The following CDC25A variants were observed in gnomAD, a reference collection of about 807,000 sequenced individuals.
CDC25A encodes cell division cycle 25A, also known as M-phase inducer phosphatase 1.
A neutral mutation model predicts 64.6 loss-of-function variants in CDC25A; 17 were observed. That is an observed-to-expected ratio of 0.26 (90% CI 0.18 to 0.39). The LOEUF (loss-of-function observed/expected upper bound fraction) is 0.39. Among genes scored for constraint, CDC25A ranks in the 10% least tolerant of loss-of-function variants. The pLI is 1.00. For missense variants in CDC25A, 473 were observed against 654.8 expected (o/e 0.72, Z 3.03); for synonymous variants, 229 against 238.6 (o/e 0.96, Z 0.37).
intron 12 of CDC25A, 49 bp from the exon 13 acceptor site, chr3:48,164,486 G>C: frequency 6.9e-7 from 1 of 1,440,984 alleles, no homozygotes; most frequent in Non-Finnish European, 9.2e-7. Flanking sequence ...CACACATGAA[G>C]TAATGATTCA....
At position 48,187,769 on chromosome 3, in the gene CDC25A, T is replaced by A. The variant is rs554048725; in HGVS notation, c.170+9A>T. On this transcript the variant is annotated intron_variant, in intron 1 of 14. Transcript: ENST00000302506. ...GGGCCCGGAGCACCGCCCGCCGGTC[T>A]CTCCTTACCTGCCCAGACCCTGCAG... The A allele has an allele frequency of 3.5e-5, 54 of 1,535,310 alleles. No individual in the cohort carries two copies. The highest frequency in any genetic ancestry group is 4.7e-5 in the Non-Finnish European group (53 of 1,138,874).
intron 12 of CDC25A, 51 bp downstream of exon 12, chr3:48,165,585 C>T: frequency 7.6e-7 from 1 of 1,316,824 alleles, no homozygotes; most frequent in African/African-American, 1.5e-5. Context: ...CACTTTAAAA[C>T]CACAGATCCT....
At chr3:48,172,782 T>C (rs2106724118) in intron 9 of CDC25A, among the ~76,000 whole-genome samples, 1 of 152,292 alleles carries the variant, frequency 6.6e-6, no homozygotes, top group Middle Eastern at 3.4e-3. Flanking sequence ...GAGGACTGCT[T>C]GAGCCTGGGA....
intron 9 of CDC25A, among the ~76,000 whole-genome samples, chr3:48,172,560 A>G (rs535020458): frequency 6.6e-6 from 1 of 152,344 alleles, no homozygotes; most frequent in African/African-American, 2.4e-5. Flanking sequence ...GGCCCAGACA[A>G]CCATGACACT....
chr3:48,159,408 T>C lies in CDC25A; in HGVS notation c.1370A>G (p.Lys457Arg), dbSNP rs148722197. 80 of 1,613,930 alleles carry C rather than the reference T, an allele frequency of 5.0e-5. 1 individual carries two copies. Among genetic ancestry groups the C allele is most frequent in the Non-Finnish European group, 6.0e-5 (71 of 1,179,976 alleles). ...GACATACAGCTCAGGGTAGTGGAGT[T>C]TGGGGTATTCATTACCCAGGCGATC... ...ERDRLGNEYPKLHYPELYVLK... is the reference protein window; with the variant it reads ...ERDRLGNEYPRLHYPELYVLK... The change falls in exon 14 of 15, where the codon AAA becomes AGA. Residue 457 changes from lysine to arginine, a missense_variant. Coordinates refer to ENST00000302506, the MANE Select transcript of CDC25A (RefSeq NM_001789.3).
At chr3:48,180,661 G>C in intron 6 of CDC25A, 60 bp downstream of exon 6, 2 of 1,578,710 alleles carry the variant, frequency 1.3e-6, no homozygotes, top group Non-Finnish European at 1.7e-6. Flanking sequence ...CTGGATGAAA[G>C]AAGGTGTTTT....
At chr3:48,183,675 T>C (rs1256621002) in intron 4 of CDC25A, 125 bp downstream of exon 4, 16 of 652,110 alleles carry the variant, frequency 2.5e-5, no homozygotes, top group Middle Eastern at 3.7e-4. Context: ...AGCAAGACCT[T>C]GTCTCAAAAG....
intron 9 of CDC25A, among the ~76,000 whole-genome samples, chr3:48,170,388 T>C (rs1403332460): frequency 1.3e-5 from 2 of 152,220 alleles, no homozygotes; most frequent in African/African-American, 4.8e-5. Context: ...ACCCCTTCTT[T>C]GGGTTTAATT....
chr3:48,165,423 G>A (rs2031965746), intron 12 of CDC25A, among the ~76,000 whole-genome samples: 1 of 5,730 alleles, frequency 1.7e-4, no homozygotes, highest in Non-Finnish European at 0.012. Context: ...CAAACATGAA[G>A]AATAACTGTG....
At chr3:48,183,159 A>C in intron 4 of CDC25A, 129 bp from the exon 5 acceptor site, 2 of 632,074 alleles carry the variant, frequency 3.2e-6, no homozygotes, top group Non-Finnish European at 5.7e-6. Flanking sequence ...TGCAGTAGGT[A>C]ACCAGTAAAT....
At chr3:48,168,302 G>A (rs573156965) in intron 9 of CDC25A, among the ~76,000 whole-genome samples, 86 of 150,218 alleles carry the variant, frequency 5.7e-4, no homozygotes, top group Non-Finnish European at 1.1e-3. Context: ...GCCTGGGCAA[G>A]GCAGGTGAAT....
rs1257731326 is a variant in CDC25A, at chr3:48,163,298, A to AG, written c.1322+1008_1322+1009insC. ...GCCTCCGCCTCAAAAAAAAAAAAAA[A>AG]AAAGAAAGAAAGAAAGAAAGAAAAA... On this transcript the variant is annotated intron_variant, in intron 13 of 14. Coordinates refer to ENST00000302506, the MANE Select transcript of CDC25A (RefSeq NM_001789.3). Among the ~76,000 whole-genome samples, 938 of 148,144 alleles carry AG rather than the reference A, an allele frequency of 6.3e-3. 10 individuals carry two copies. The highest frequency in any genetic ancestry group is 0.022 in the African/African-American group (870 of 38,714).
intron 7 of CDC25A, 149 bp from the exon 8 acceptor site, chr3:48,177,591 T>C (rs75758124): frequency 2.3e-4 from 168 of 718,450 alleles, no homozygotes; most frequent in Middle Eastern, 3.9e-4. Context: ...TCTGATTTCA[T>C]GTTTCTTGCA....
chr3:48,179,489 C>T (rs1012727203), intron 6 of CDC25A, among the ~76,000 whole-genome samples: 2 of 152,178 alleles, frequency 1.3e-5, no homozygotes, highest in African/African-American at 4.8e-5. Flanking sequence ...CCCACTTCAG[C>T]CTCCCGACTA....
chr3:48,174,168 C>T, intron 9 of CDC25A, 116 bp downstream of exon 9: 1 of 946,618 alleles, frequency 1.1e-6, no homozygotes, highest in Non-Finnish European at 1.6e-6. Flanking sequence ...CACACACAAC[C>T]CCACAAAACC....
At chr3:48,168,630 T>G (rs1213661612) in intron 9 of CDC25A, among the ~76,000 whole-genome samples, 5 of 151,468 alleles carry the variant, frequency 3.3e-5, no homozygotes, top group Admixed American at 3.3e-4. Flanking sequence ...CTTTTTTTTT[T>G]TTTTTTTTTT....
rs747229752 is a variant in CDC25A at position 48,182,912 on chromosome 3, A to C, written c.429+17T>G. ...TTTCACCTCTGCCTCAGGTTAGTAC[A>C]TTGAAGTCACACTCACATTTTCCTT... On this transcript the variant is annotated intron_variant, in intron 5 of 14. Transcript: ENST00000302506. 2.0e-6 allele frequency: 3 copies of C among 1,535,730 alleles called. No homozygotes were observed. The highest frequency in any genetic ancestry group is 2.2e-5 in the East Asian group (1 of 44,502).
chr3:48,168,706 G>T (rs2032153631), intron 9 of CDC25A, among the ~76,000 whole-genome samples: 1 of 151,214 alleles, frequency 6.6e-6, no homozygotes, highest in Non-Finnish European at 1.5e-5. Flanking sequence ...TGGAGTGCAG[G>T]CTGGAGTACA....
rs1228985947 is a variant in CDC25A at position 48,188,135 on chromosome 3, T to TCCAGGCG, written c.-195_-189dup. ...CGCGGCCGGGCGGGTGTGCGGACCC[T>TCCAGGCG]CCAGGCGCCAGCCACCAGCCACAGG... On this transcript the variant is annotated 5_prime_UTR_variant, in exon 1 of 15. Coordinates refer to ENST00000302506, the MANE Select transcript of CDC25A (RefSeq NM_001789.3). The TCCAGGCG allele has an allele frequency of 5.2e-6, 2 of 388,318 alleles. No homozygotes were observed. The highest frequency in any genetic ancestry group is 4.3e-5 in the East Asian group (1 of 23,462). The allele number at this position is 388,318 out of a possible 1,614,324, so 24.1% of individuals were successfully genotyped here.
Sources: allele counts gnomAD v4.1 joint callset (sites outside exome capture counted in the v4.1 genomes callset), GRCh38; gene constraint gnomAD v4.1.1; transcripts MANE v1.5; gene names NCBI Gene and HGNC (gene_info 2026-07-23, HGNC 2026-07-21).